SLC28A3: variants seen among roughly 807,000 people sequenced by gnomAD.
SLC28A3 encodes the protein solute carrier family 28 member 3.
In SLC28A3, 68 loss-of-function variants were observed where a neutral mutation model predicts 84.2. The observed-to-expected ratio is 0.81, with a 90% CI of 0.66 to 0.99. SLC28A3 has a LOEUF of 0.99. SLC28A3 is among the 50% of genes least tolerant of loss of function. SLC28A3 has a pLI of 0.00. For missense variants in SLC28A3, 712 were observed against 841.5 expected (o/e 0.85, Z 1.90); for synonymous variants, 267 against 303.6 (o/e 0.88, Z 1.25).
chr9:84,320,694 G>A (rs919772120), intron 1 of SLC28A3, among the ~76,000 whole-genome samples: 4 of 152,036 alleles, frequency 2.6e-5, no homozygotes, highest in South Asian at 2.1e-4. Context: ...AGGGAGTTTC[G>A]AAGAAAAGTT....
the SLC28A3 span, among the ~76,000 whole-genome samples, chr9:84,352,192 CT>C: frequency 6.6e-6 from 1 of 150,670 alleles, no homozygotes; most frequent in Non-Finnish European, 1.5e-5. Context: ...AAAAATTTTG[CT>C]TTTTTTTTAA....
chr9:84,340,643 G>T lies in SLC28A3; in HGVS notation c.-10C>A. On this transcript the variant is annotated 5_prime_UTR_variant, in exon 1 of 18. Coordinates refer to ENST00000376238, the MANE Select transcript of SLC28A3 (RefSeq NM_001199633.2). ...TACTCCTCAGCTCCATGCTCTTTTT[G>T]CTGCTGGCTGGCTCTGGTCTGGAGG... is the stretch of plus-strand genomic sequence containing the variant. 6.2e-7 allele frequency: 1 copy of T among 1,614,090 alleles called. No homozygotes were observed. Among genetic ancestry groups the T allele is most frequent in the Non-Finnish European group, 8.5e-7 (1 of 1,180,006 alleles).
chr9:84,297,322 A>T (rs1825454484), intron 7 of SLC28A3, 24 bp from the exon 8 acceptor site: 1 of 1,580,488 alleles, frequency 6.3e-7, no homozygotes, highest in Non-Finnish European at 8.6e-7. Context: ...AGAAAAAGAG[A>T]TTTCATTCCA....
chr9:84,316,547 G>A (rs1826175434), intron 1 of SLC28A3, among the ~76,000 whole-genome samples: 1 of 152,222 alleles, frequency 6.6e-6, no homozygotes, highest in Admixed American at 6.5e-5. Context: ...GCTGAGTTGG[G>A]AGGAACTTGG....
the SLC28A3 span, among the ~76,000 whole-genome samples, chr9:84,358,805 TG>T: frequency 1.3e-5 from 2 of 152,234 alleles, no homozygotes; most frequent in East Asian, 3.9e-4. Flanking sequence ...GAATTATTTT[TG>T]TTGTTGTTAT....
At chr9:84,337,946 C>T (rs1416509897) in intron 1 of SLC28A3, among the ~76,000 whole-genome samples, 1 of 152,190 alleles carries the variant, frequency 6.6e-6, no homozygotes, top group Non-Finnish European at 1.5e-5. Flanking sequence ...TTTAACCTTT[C>T]CCACTGGAGT....
intron 2 of SLC28A3, among the ~76,000 whole-genome samples, chr9:84,313,089 C>T (rs1826044983): frequency 6.6e-6 from 1 of 152,168 alleles, no homozygotes; most frequent in Admixed American, 6.5e-5. Flanking sequence ...TAAGCCAATG[C>T]CTTTTTCCTT....
intron 1 of SLC28A3, among the ~76,000 whole-genome samples, chr9:84,333,633 T>C (rs1228196844): frequency 6.6e-6 from 1 of 152,220 alleles, no homozygotes; most frequent in Non-Finnish European, 1.5e-5. Flanking sequence ...CCCACCAGAA[T>C]GGTTGACATT....
the SLC28A3 span, among the ~76,000 whole-genome samples, chr9:84,359,206 C>T: frequency 6.6e-6 from 1 of 152,188 alleles, no homozygotes; most frequent in Non-Finnish European, 1.5e-5. Context: ...GCACATTGGG[C>T]CATGAGCCCT....
intron 1 of SLC28A3, among the ~76,000 whole-genome samples, chr9:84,331,538 G>A (rs1027402966): frequency 2.0e-5 from 3 of 152,046 alleles, no homozygotes; most frequent in African/African-American, 4.8e-5. Context: ...TGCTTGACTG[G>A]CTTACTCATG....
intron 1 of SLC28A3, among the ~76,000 whole-genome samples, chr9:84,329,354 A>G (rs1388580072): frequency 1.3e-5 from 2 of 152,236 alleles, no homozygotes; most frequent in African/African-American, 4.8e-5. Context: ...GAACAGTGGT[A>G]TATAAACCAA....
At chr9:84,291,825 C>T (rs559567259) in intron 10 of SLC28A3, among the ~76,000 whole-genome samples, 1 of 152,226 alleles carries the variant, frequency 6.6e-6, no homozygotes, top group South Asian at 2.1e-4. Flanking sequence ...GTTTTCGTGG[C>T]GTGTGACTCC....
chr9:84,281,978 CA>C (rs995902035), intron 14 of SLC28A3, among the ~76,000 whole-genome samples: 1 of 143,882 alleles, frequency 7.0e-6, no homozygotes, highest in Non-Finnish European at 1.5e-5. Flanking sequence ...ATACAAAAAA[CA>C]AACAAAAAAA....
chr9:84,329,765 G>A (rs2118572297), intron 1 of SLC28A3, among the ~76,000 whole-genome samples: 1 of 152,220 alleles, frequency 6.6e-6, no homozygotes. Context: ...TGAGCACAGT[G>A]ATGCATGCCT....
intron 6 of SLC28A3, 150 bp from the exon 7 acceptor site, chr9:84,298,169 A>G (rs1825488160): frequency 1.5e-6 from 1 of 661,290 alleles, no homozygotes; most frequent in Non-Finnish European, 2.6e-6. Context: ...TCATAAGCAG[A>G]GAACCCTTTG....
Position 84,302,368 on chromosome 9 carries a change from GAAATC to G in SLC28A3, c.351_355del (p.Ile118GlyfsTer37). 6.2e-7 allele frequency: 1 copy of G among 1,613,740 alleles called. No individual in the cohort carries two copies. Among genetic ancestry groups the G allele is most frequent in the Non-Finnish European group, 8.5e-7 (1 of 1,179,888 alleles). On this transcript the variant is annotated frameshift_variant, in exon 5 of 18. Coordinates refer to ENST00000376238, the MANE Select transcript of SLC28A3 (RefSeq NM_001199633.2). LOFTEE classifies it high-confidence loss of function. ...TCTGTGAAAGTTCAGCACACAGGCC[GAAATC>G]ACCATAACCAGATAACCTGTCCAGG...
the SLC28A3 span, among the ~76,000 whole-genome samples, chr9:84,348,028 G>A: frequency 1.3e-5 from 2 of 152,064 alleles, no homozygotes; most frequent in Admixed American, 6.5e-5. Context: ...AGCCCAGGGT[G>A]CAAAATTTAA....
At position 84,327,760 on chromosome 9, in the gene SLC28A3, A is replaced by G. The variant is rs1202770364; in HGVS notation, c.60+12814T>C. On this transcript the variant is annotated intron_variant, in intron 1 of 17. Transcript: ENST00000376238. The stretch of plus-strand genomic sequence containing the variant: ...TGGTGAAACCCCACCTCTACAAAAA[A>G]TACAAAAATTAGCCGAGCATGGTGG... Among the ~76,000 whole-genome samples, 5 of 152,082 alleles carry G rather than the reference A, an allele frequency of 3.3e-5. No individual in the cohort carries two copies. In the East Asian group the frequency reaches 9.7e-4, roughly 29 times the overall value.
rs1298327051 is a variant in SLC28A3 at position 84,315,160 on chromosome 9, T to C, written c.61-1706A>G. On this transcript the variant is annotated intron_variant, in intron 1 of 17. Transcript: ENST00000376238. ...GACAGAATGTTGCTAATTGCTGAAGTTGGCTGACAGGTACCCGGAGAATCA... is the reference window on the plus strand; with the variant it reads ...GACAGAATGTTGCTAATTGCTGAAGCTGGCTGACAGGTACCCGGAGAATCA... Among the ~76,000 whole-genome samples, 5 of 152,306 alleles carry C rather than the reference T, an allele frequency of 3.3e-5. No individual in the cohort carries two copies. In the East Asian group the frequency reaches 9.7e-4, roughly 29 times the overall value.
Sources: gnomAD v4.1 joint callset for allele counts (sites outside exome capture counted in the v4.1 genomes callset) on GRCh38, gnomAD v4.1.1 for gene constraint, MANE v1.5 for transcripts, NCBI Gene and HGNC (gene_info 2026-07-23, HGNC 2026-07-21) for gene names.